Variants in FGD3 observed in about 807,000 individuals in gnomAD.
The protein encoded by FGD3 is FYVE, RhoGEF and PH domain containing 3.
A neutral mutation model predicts 71.8 loss-of-function variants in FGD3; 45 were observed. That is an observed-to-expected ratio of 0.63 (90% CI 0.49 to 0.80). The LOEUF (loss-of-function observed/expected upper bound fraction) is 0.80, where lower values mean the gene tolerates loss of function less well. Ranked by LOEUF, FGD3 falls within the 30% of genes least tolerant of loss-of-function variation. FGD3 has a pLI of 0.00. For synonymous variants in FGD3, 378 were observed against 392.8 expected (o/e 0.96, Z 0.44); for missense variants, 844 against 951.5 (o/e 0.89, Z 1.49).
chr9:93,029,933 G>T lies in FGD3; in HGVS notation c.1617G>T (p.Lys539Asn), dbSNP rs746807401. The T allele has an allele frequency of 6.2e-7, 1 of 1,613,656 alleles. No individual in the cohort carries two copies. Among genetic ancestry groups the T allele is most frequent in the Non-Finnish European group, 8.5e-7 (1 of 1,179,786 alleles). The change falls in exon 15 of 18, where the codon AAG becomes AAT. Residue 539 changes from lysine to asparagine, a missense_variant. Physicochemically the swap from Lys to Asn is moderately conservative, Grantham distance 94. Transcript: ENST00000375482. The part of the protein sequence containing the change: ...TRRDKEKQSC[K>N]SCGETFNSIT... ...GTGACAAGGAGAAGCAGAGCTGTAA[G>T]AGCTGTGGTGAGACCTTCAACTCCA...
At chr9:93,018,527 A>G (rs1417181121) in intron 11 of FGD3, among the ~76,000 whole-genome samples, 2 of 152,206 alleles carry the variant, frequency 1.3e-5, no homozygotes, top group Admixed American at 6.5e-5. Flanking sequence ...GAAAACAGGA[A>G]CTAGGGAGGG....
intron 1 of FGD3, among the ~76,000 whole-genome samples, chr9:92,952,195 A>G (rs546086498): frequency 1.3e-5 from 2 of 151,336 alleles, no homozygotes; most frequent in Admixed American, 1.3e-4. Flanking sequence ...ATTTTCAAGT[A>G]TGCAAAGGAT....
chr9:92,950,912 C>G (rs1331710034), intron 1 of FGD3, among the ~76,000 whole-genome samples: 1 of 152,166 alleles, frequency 6.6e-6, no homozygotes, highest in Non-Finnish European at 1.5e-5. Flanking sequence ...TGTGCCACGT[C>G]CCCTGCGTCC....
At chr9:93,026,690 C>T (rs1184962522) in intron 14 of FGD3, among the ~76,000 whole-genome samples, 4 of 152,240 alleles carry the variant, frequency 2.6e-5, no homozygotes, top group Non-Finnish European at 5.9e-5. Context: ...GGGACCCGGT[C>T]CCACTGGTCC....
intron 3 of FGD3, among the ~76,000 whole-genome samples, chr9:92,989,764 C>T (rs1196097836): frequency 6.6e-6 from 1 of 152,106 alleles, no homozygotes; most frequent in Non-Finnish European, 1.5e-5. Flanking sequence ...AGGGCAGCCA[C>T]CTGTGGAGAT....
intron 1 of FGD3, among the ~76,000 whole-genome samples, chr9:92,951,752 G>A (rs374595122): frequency 4.6e-5 from 7 of 152,278 alleles, no homozygotes; most frequent in African/African-American, 1.7e-4. Context: ...TCATGTTCTT[G>A]GTCCTTGAAA....
At chr9:93,023,405 G>C (rs1862000744) in intron 14 of FGD3, among the ~76,000 whole-genome samples, 1 of 152,154 alleles carries the variant, frequency 6.6e-6, no homozygotes, top group African/African-American at 2.4e-5. Context: ...TGGAGGCGTG[G>C]GGGGCTTGCA....
intron 1 of FGD3, among the ~76,000 whole-genome samples, chr9:92,950,938 CT>C: frequency 6.6e-6 from 1 of 152,160 alleles, no homozygotes; most frequent in African/African-American, 2.4e-5. Context: ...TGGAGATTGG[CT>C]TCTCCCCAAG....
chr9:92,981,368 C>CAAA (rs11454338), intron 3 of FGD3, among the ~76,000 whole-genome samples: 8 of 111,746 alleles, frequency 7.2e-5, no homozygotes, highest in South Asian at 2.8e-4. Context: ...ATTCCATCTC[C>CAAA]AAAAAAAAAA....
chr9:93,011,642 G>C (rs1861389110), intron 8 of FGD3, among the ~76,000 whole-genome samples: 1 of 152,084 alleles, frequency 6.6e-6, no homozygotes, highest in Non-Finnish European at 1.5e-5. Context: ...CGGATCATGA[G>C]GTCAGGAGTT....
chr9:93,027,642 T>A (rs1295914545), intron 14 of FGD3, among the ~76,000 whole-genome samples: 4 of 152,048 alleles, frequency 2.6e-5, no homozygotes, highest in African/African-American at 9.7e-5. Flanking sequence ...CCTCCAATGC[T>A]TATGCCCAAT....
chr9:93,006,454 G>A (rs960934329), intron 6 of FGD3, among the ~76,000 whole-genome samples: 1 of 152,184 alleles, frequency 6.6e-6, no homozygotes, highest in African/African-American at 2.4e-5. Flanking sequence ...ACAGCATCAC[G>A]AGCTATTATC....
intron 8 of FGD3, among the ~76,000 whole-genome samples, chr9:93,013,417 G>A (rs141916645): frequency 4.6e-5 from 7 of 152,294 alleles, no homozygotes; most frequent in African/African-American, 1.7e-4. Flanking sequence ...CGCACTTCTG[G>A]GTGCTGGTTA....
At chr9:92,965,151 G>A (rs1391438674) in intron 1 of FGD3, among the ~76,000 whole-genome samples, 1 of 152,218 alleles carries the variant, frequency 6.6e-6, no homozygotes, top group Admixed American at 6.5e-5. Flanking sequence ...CTGTGCAGAG[G>A]GGGCCCGAGG....
At chr9:92,980,905 A>G (rs1396157386) in intron 3 of FGD3, among the ~76,000 whole-genome samples, 1 of 149,288 alleles carries the variant, frequency 6.7e-6, no homozygotes, top group Non-Finnish European at 1.5e-5. Flanking sequence ...GGGGAAGTGG[A>G]GGTTGCAGTG....
chr9:93,027,051 A>C (rs1289412225), intron 14 of FGD3, among the ~76,000 whole-genome samples: 2 of 152,226 alleles, frequency 1.3e-5, no homozygotes, highest in African/African-American at 4.8e-5. Flanking sequence ...TGGGTGTGAG[A>C]GAAACTGCAG....
chr9:93,035,839 C>T lies in FGD3; in HGVS notation c.*250C>T, dbSNP rs1048903736. 8 of 493,720 alleles carry T rather than the reference C, an allele frequency of 1.6e-5. No homozygotes were observed. Among genetic ancestry groups the T allele is most frequent in the South Asian group, 7.3e-5 (2 of 27,334 alleles). 30.6% of individuals were successfully genotyped at this position (493,720 alleles called of 1,614,324 possible). On this transcript the variant is annotated 3_prime_UTR_variant, in exon 18 of 18. Coordinates refer to ENST00000375482, the MANE Select transcript of FGD3 (RefSeq NM_001083536.2). ...CAGCAGTGTGGCCCAGAGCAGGGGC[C>T]GACTGCCAAAGTAACCATCATCCAT...
Position 92,949,679 on chromosome 9 carries a change from C to T in FGD3, c.-218+1950C>T, listed in dbSNP as rs536181098. Among the ~76,000 whole-genome samples the T allele has an allele frequency of 3.9e-5, 6 of 152,318 alleles. No individual in the cohort carries two copies. The East Asian group carries it at 9.7e-4, about 25-fold the overall frequency. ...TGCCCAGGGCCACCAGGCAGCGGCT[C>T]TTGGCCCTGAGTGTATCTGTGTGGT... On this transcript the variant is annotated intron_variant, in intron 1 of 17. Transcript: ENST00000375482.
chr9:93,032,918 G>A, intron 16 of FGD3, 45 bp downstream of exon 16: 1 of 1,554,428 alleles, frequency 6.4e-7, no homozygotes, highest in East Asian at 2.2e-5. Flanking sequence ...GCGCGGCAGA[G>A]CCTCCAGACA....
Sources: gnomAD v4.1 joint callset for allele counts (sites outside exome capture counted in the v4.1 genomes callset) on GRCh38, gnomAD v4.1.1 for gene constraint, MANE v1.5 for transcripts, NCBI Gene and HGNC (gene_info 2026-07-23, HGNC 2026-07-21) for gene names.